Variants in TMEM163 observed in about 807,000 individuals in gnomAD.
The protein encoded by TMEM163 is transmembrane protein 163.
In TMEM163, 17 loss-of-function variants were observed where a neutral mutation model predicts 29.3. The observed-to-expected ratio is 0.58, with a 90% CI of 0.40 to 0.87. TMEM163 has a LOEUF of 0.87. Among genes scored for constraint, TMEM163 ranks in the 40% least tolerant of loss-of-function variants. The probability of loss-of-function intolerance (pLI) is 0.00; values close to 1 mark genes in which losing one functional copy is unlikely to be tolerated. For synonymous variants in TMEM163, 157 were observed against 160.6 expected (o/e 0.98, Z 0.17); for missense variants, 303 against 381.5 (o/e 0.79, Z 1.71).
intron 2 of TMEM163, among the ~76,000 whole-genome samples, chr2:134,645,750 C>T (rs1683322304): frequency 6.6e-6 from 1 of 152,160 alleles, no homozygotes; most frequent in South Asian, 2.1e-4. Flanking sequence ...CATTATATGA[C>T]ATCCCCAAAA....
chr2:134,698,208 G>A (rs892538100), intron 2 of TMEM163, among the ~76,000 whole-genome samples: 1 of 152,168 alleles, frequency 6.6e-6, no homozygotes, highest in Admixed American at 6.5e-5. Flanking sequence ...AGTGTCTCTT[G>A]ACATTGCTGG....
At chr2:134,647,423 C>T (rs1322619873) in intron 2 of TMEM163, among the ~76,000 whole-genome samples, 4 of 152,174 alleles carry the variant, frequency 2.6e-5, no homozygotes, top group African/African-American at 9.7e-5. Context: ...AATGTGCTAC[C>T]AACCTCCGAA....
At chr2:134,545,373 T>C (rs574480636) in intron 4 of TMEM163, among the ~76,000 whole-genome samples, 9 of 152,328 alleles carry the variant, frequency 5.9e-5, no homozygotes, top group Non-Finnish European at 1.2e-4. Flanking sequence ...CTAATAAAAA[T>C]GTAGCTGTTC....
chr2:134,495,954 C>T (rs1679546514), intron 5 of TMEM163, among the ~76,000 whole-genome samples: 1 of 152,236 alleles, frequency 6.6e-6, no homozygotes, highest in Non-Finnish European at 1.5e-5. Context: ...CCTGGAAGCT[C>T]CCATCCTATG....
At chr2:134,641,601 A>G (rs2104840199) in intron 2 of TMEM163, among the ~76,000 whole-genome samples, 1 of 152,336 alleles carries the variant, frequency 6.6e-6, no homozygotes, top group East Asian at 1.9e-4. Context: ...TTTATATACA[A>G]AGACATAGTC....
rs1680569000 is a variant in TMEM163, at chr2:134,537,603, C to T, written c.458+12967G>A. Among the ~76,000 whole-genome samples, 3 of 152,298 alleles carry T rather than the reference C, an allele frequency of 2.0e-5. No homozygotes were observed. In the South Asian group the frequency reaches 6.2e-4, roughly 32 times the overall value. Reference sequence around the variant, plus strand: ...ATGAATTTCAGGGAAGACATAAACACCCAGTTCATAATAGACACCCAGACA... The same window carrying T: ...ATGAATTTCAGGGAAGACATAAACATCCAGTTCATAATAGACACCCAGACA... On this transcript the variant is annotated intron_variant, in intron 4 of 7. Coordinates refer to ENST00000281924, the MANE Select transcript of TMEM163 (RefSeq NM_030923.5).
intron 5 of TMEM163, among the ~76,000 whole-genome samples, chr2:134,491,079 T>G (rs958271522): frequency 2.0e-5 from 3 of 152,148 alleles, no homozygotes; most frequent in Admixed American, 6.5e-5. Context: ...AAAGAAGAGC[T>G]AAGTTAGTTT....
intron 2 of TMEM163, among the ~76,000 whole-genome samples, chr2:134,581,145 C>G (rs777816768): frequency 9.2e-5 from 14 of 152,116 alleles, no homozygotes; most frequent in Non-Finnish European, 2.1e-4. Flanking sequence ...GCAAATCCGA[C>G]GGAAAAGGAT....
chr2:134,495,254 C>G (rs1286048608), intron 5 of TMEM163, among the ~76,000 whole-genome samples: 1 of 152,188 alleles, frequency 6.6e-6, no homozygotes, highest in Admixed American at 6.5e-5. Flanking sequence ...ACAGAAGCCA[C>G]ATTTCCAAGT....
At chr2:134,522,637 A>G (rs1489259559) in intron 4 of TMEM163, among the ~76,000 whole-genome samples, 1 of 152,244 alleles carries the variant, frequency 6.6e-6, no homozygotes, top group Non-Finnish European at 1.5e-5. Flanking sequence ...CATTTTGCCC[A>G]CAACAGAAGC....
At chr2:134,586,498 T>C (rs969437510) in intron 2 of TMEM163, among the ~76,000 whole-genome samples, 6 of 152,208 alleles carry the variant, frequency 3.9e-5, no homozygotes, top group Admixed American at 6.5e-5. Context: ...TTTCCCCTTT[T>C]CATAAGGACG....
At chr2:134,501,533 G>A (rs1376154673) in intron 5 of TMEM163, among the ~76,000 whole-genome samples, 3 of 152,226 alleles carry the variant, frequency 2.0e-5, no homozygotes, top group African/African-American at 7.2e-5. Flanking sequence ...TTCTCAGAGT[G>A]GAGGCATATT....
At chr2:134,492,733 C>A (rs779003696) in intron 5 of TMEM163, among the ~76,000 whole-genome samples, 1 of 152,198 alleles carries the variant, frequency 6.6e-6, no homozygotes, top group Non-Finnish European at 1.5e-5. Flanking sequence ...ACCACGATTT[C>A]TTTATCCATT....
chr2:134,466,029 G>A, intron 6 of TMEM163, 85 bp downstream of exon 6: 1 of 958,012 alleles, frequency 1.0e-6, no homozygotes, highest in Non-Finnish European at 1.6e-6. Context: ...TCTCCAGCAA[G>A]GGAAACAACT....
At chr2:134,516,234 A>T (rs1287019056) in intron 4 of TMEM163, among the ~76,000 whole-genome samples, 3 of 152,156 alleles carry the variant, frequency 2.0e-5, no homozygotes, top group Non-Finnish European at 2.9e-5. Flanking sequence ...GTCATCCAAG[A>T]TGATATTAAG....
rs1686403044 is a variant in TMEM163, at chr2:134,456,671, T to A, written c.*45A>T. ...TAAATATTGGCACCCTTTGCCTATG[T>A]GGAAACTCCTCATCTCGATGGTCTC... is the stretch of plus-strand genomic sequence containing the variant. On this transcript the variant is annotated 3_prime_UTR_variant, in exon 8 of 8. Transcript: ENST00000281924. The A allele has an allele frequency of 6.2e-7, 1 of 1,607,714 alleles. No individual in the cohort carries two copies. Among genetic ancestry groups the A allele is most frequent in the East Asian group, 2.2e-5 (1 of 44,808 alleles).
At chr2:134,620,443 G>T (rs780765910) in intron 2 of TMEM163, among the ~76,000 whole-genome samples, 1 of 152,078 alleles carries the variant, frequency 6.6e-6, no homozygotes, top group Non-Finnish European at 1.5e-5. Flanking sequence ...TTTTAGTAGA[G>T]ATGGGGTTTC....
At chr2:134,548,427 C>G (rs990773937) in intron 4 of TMEM163, among the ~76,000 whole-genome samples, 24 of 152,180 alleles carry the variant, frequency 1.6e-4, no homozygotes, top group African/African-American at 2.9e-4. Flanking sequence ...CCATATTGGA[C>G]AGTGCAGCTA....
At chr2:134,572,200 A>G (rs1458371302) in intron 2 of TMEM163, among the ~76,000 whole-genome samples, 1 of 152,204 alleles carries the variant, frequency 6.6e-6, no homozygotes, top group Non-Finnish European at 1.5e-5. Flanking sequence ...ACCAGCACCC[A>G]GGTCTCCAGG....
Sources: gnomAD v4.1 joint callset for allele counts (sites outside exome capture counted in the v4.1 genomes callset) on GRCh38, gnomAD v4.1.1 for gene constraint, MANE v1.5 for transcripts, NCBI Gene and HGNC (gene_info 2026-07-23, HGNC 2026-07-21) for gene names.